Variants in R3HDM1 observed in about 807,000 individuals in gnomAD.
The protein encoded by R3HDM1 is R3H domain containing 1.
In R3HDM1, 46 loss-of-function variants were observed where a neutral mutation model predicts 141.1. The ratio of observed to expected loss-of-function variants is 0.33; its 90% CI spans 0.26 to 0.42. The LOEUF is 0.42. Ranked by LOEUF, R3HDM1 falls within the 10% of genes least tolerant of loss-of-function variation. R3HDM1 has a pLI of 1.00. For missense variants in R3HDM1, 1,184 were observed against 1,368.3 expected, an observed-to-expected ratio of 0.87 and a Z score of 2.12; for synonymous variants, 435 against 472.9, an observed-to-expected ratio of 0.92 and a Z score of 1.04.
chr2:135,702,372 A>G (rs896522645), intron 21 of R3HDM1, among the ~76,000 whole-genome samples: 1 of 152,064 alleles, frequency 6.6e-6, no homozygotes, highest in African/African-American at 2.4e-5. Context: ...AAAAAATACA[A>G]AAAAATGGCC....
chr2:135,704,496 A>T (rs1287809341), intron 21 of R3HDM1, among the ~76,000 whole-genome samples: 6 of 147,182 alleles, frequency 4.1e-5, no homozygotes, highest in African/African-American at 1.0e-4. Flanking sequence ...TTTTTTTGAG[A>T]CAGAGTCTCT....
chr2:135,658,608 A>C (rs1212457205), intron 18 of R3HDM1, among the ~76,000 whole-genome samples: 1 of 152,170 alleles, frequency 6.6e-6, no homozygotes, highest in Non-Finnish European at 1.5e-5. Context: ...ACACTCTTAA[A>C]TTAGGCTACA....
At chr2:135,606,265 AG>A (rs1353554488) in intron 3 of R3HDM1, 1 of 152,188 alleles carries the variant, frequency 6.6e-6, no homozygotes, top group East Asian at 1.9e-4. Context: ...GTGGCAGCTC[AG>A]GGGTCCCAGA....
At position 135,715,692 on chromosome 2, in the gene R3HDM1, A is replaced by G. The variant is rs757667270; in HGVS notation, c.2879A>G (p.Gln960Arg). 6 of 1,612,986 alleles carry G rather than the reference A, an allele frequency of 3.7e-6. No individual in the cohort carries two copies. The African/African-American group carries it at 5.3e-5, about 14-fold the overall frequency. The change falls in exon 24 of 27, where the codon CAA becomes CGA. Residue 960 changes from glutamine (Q) to arginine (R), a missense_variant and splice_region_variant. Transcript: ENST00000683871. ...TTTTCTAGACCTTTTGTCCCCGGGCAAGGTAAGTGCACATGAAACTAGTCA... is the reference window on the plus strand; with the variant it reads ...TTTTCTAGACCTTTTGTCCCCGGGCGAGGTAAGTGCACATGAAACTAGTCA... ...PQFSRPFVPG[Q>R]GDSRYPLLGQ... is the part of the protein sequence containing the mutation.
At position 135,675,504 on chromosome 2, in the gene R3HDM1, T is replaced by G. The variant is rs760704538; in HGVS notation, c.2307+18T>G. 3 of 1,600,398 alleles carry G rather than the reference T, an allele frequency of 1.9e-6. No individual in the cohort carries two copies. The highest frequency in any genetic ancestry group is 1.7e-6 in the Non-Finnish European group (2 of 1,169,630). ...CATATCAGGTATATTGTCTCTTTTA[T>G]GTACTTTGGGTAGAGATGATTTCGA... On this transcript the variant is annotated intron_variant, in intron 20 of 26. Coordinates refer to ENST00000683871, the MANE Select transcript of R3HDM1 (RefSeq NM_001378107.1).
intron 1 of R3HDM1, among the ~76,000 whole-genome samples, chr2:135,535,250 C>G (rs1695805032): frequency 6.6e-6 from 1 of 152,080 alleles, no homozygotes; most frequent in Non-Finnish European, 1.5e-5. Flanking sequence ...CCTGTAATCC[C>G]AGCACTTTCG....
chr2:135,627,715 G>A (rs1052074800), intron 7 of R3HDM1, among the ~76,000 whole-genome samples: 1 of 152,056 alleles, frequency 6.6e-6, no homozygotes, highest in Admixed American at 6.6e-5. Context: ...GGAACGTCAC[G>A]TATTTGTTCT....
At chr2:135,555,115 C>A (rs1279550080) in intron 1 of R3HDM1, among the ~76,000 whole-genome samples, 1 of 151,990 alleles carries the variant, frequency 6.6e-6, no homozygotes, top group African/African-American at 2.4e-5. Context: ...TCCTGGCCAA[C>A]ATGGTGAAAC....
At chr2:135,635,822 T>A (rs986036850) in intron 9 of R3HDM1, 68 bp from the exon 10 acceptor site, 28 of 1,507,402 alleles carry the variant, frequency 1.9e-5, no homozygotes, top group African/African-American at 4.2e-5. Context: ...AAATGTTATG[T>A]TTAACTTCTT....
chr2:135,539,770 T>C (rs1697073109), intron 1 of R3HDM1, among the ~76,000 whole-genome samples: 1 of 152,220 alleles, frequency 6.6e-6, no homozygotes, highest in African/African-American at 2.4e-5. Context: ...TAAAAAATTT[T>C]AATCATCTGA....
intron 1 of R3HDM1, among the ~76,000 whole-genome samples, chr2:135,548,689 T>G (rs539965601): frequency 6.6e-6 from 1 of 152,330 alleles, no homozygotes; most frequent in South Asian, 2.1e-4. Context: ...ATATACTCTG[T>G]GTAGGGCTTC....
chr2:135,723,866 G>A, intron 26 of R3HDM1, 71 bp from the exon 27 acceptor site: 2 of 1,134,718 alleles, frequency 1.8e-6, no homozygotes, highest in South Asian at 1.5e-5. Context: ...TCATATTTGG[G>A]TCTGCAGTGC....
chr2:135,554,420 A>G (rs1700354801), intron 1 of R3HDM1, among the ~76,000 whole-genome samples: 1 of 152,174 alleles, frequency 6.6e-6, no homozygotes, highest in African/African-American at 2.4e-5. Context: ...GTTGGTGGAT[A>G]TTTGGGTTGT....
chr2:135,615,814 T>C (rs2060974218), intron 3 of R3HDM1, among the ~76,000 whole-genome samples: 1 of 152,224 alleles, frequency 6.6e-6, no homozygotes, highest in South Asian at 2.1e-4. Context: ...CTATAATATG[T>C]TGTAAAATAA....
At chr2:135,556,650 C>T (rs1700824348) in intron 1 of R3HDM1, among the ~76,000 whole-genome samples, 1 of 151,890 alleles carries the variant, frequency 6.6e-6, no homozygotes, top group African/African-American at 2.4e-5. Context: ...TCACGAGTAG[C>T]TGGGACTACA....
chr2:135,709,272 A>T (rs2105436223), intron 21 of R3HDM1, among the ~76,000 whole-genome samples, 161 bp from the exon 22 acceptor site: 1 of 152,194 alleles, frequency 6.6e-6, no homozygotes, highest in South Asian at 2.1e-4. Flanking sequence ...ATGGGGTTTC[A>T]CCGTATTAGC....
chr2:135,618,463 A>ATTTTTT (rs755774961), intron 5 of R3HDM1, among the ~76,000 whole-genome samples: 2 of 124,116 alleles, frequency 1.6e-5, no homozygotes, highest in African/African-American at 3.0e-5. Context: ...CGCCCGGCTG[A>ATTTTTT]TTTTTTTTTT....
chr2:135,646,495 T>C (rs2064440642), intron 16 of R3HDM1, among the ~76,000 whole-genome samples: 1 of 151,984 alleles, frequency 6.6e-6, no homozygotes, highest in South Asian at 2.1e-4. Flanking sequence ...TTATACCTCT[T>C]TTTCCCTGCA....
chr2:135,691,639 A>C (rs2072399122), intron 21 of R3HDM1, among the ~76,000 whole-genome samples: 1 of 151,924 alleles, frequency 6.6e-6, no homozygotes, highest in African/African-American at 2.4e-5. Flanking sequence ...TTTAAATTAA[A>C]TATATAAGCT....
Sources: allele counts gnomAD v4.1 joint callset (sites outside exome capture counted in the v4.1 genomes callset), GRCh38; gene constraint gnomAD v4.1.1; transcripts MANE v1.5; gene names NCBI Gene and HGNC (gene_info 2026-07-23, HGNC 2026-07-21).